Variants in USO1 observed in about 807,000 individuals in gnomAD.
USO1 encodes the protein general vesicular transport factor p115.
USO1 carries 57 observed loss-of-function variants against 124.5 expected under a neutral mutation model. The observed-to-expected ratio is 0.46, with a 90% confidence interval of 0.37 to 0.57. The LOEUF is 0.57. Ranked by LOEUF, USO1 falls within the 20% of genes least tolerant of loss-of-function variation. The pLI, the probability that USO1 is intolerant of heterozygous loss-of-function variation, is 0.00. For missense variants in USO1, 900 were observed against 1,040.6 expected (o/e 0.86, Z 1.86); for synonymous variants, 369 against 362.8 (o/e 1.02, Z -0.19).
At chr4:75,807,494 A>C (rs1723030327) in intron 20 of USO1, among the ~76,000 whole-genome samples, 1 of 152,128 alleles carries the variant, frequency 6.6e-6, no homozygotes, top group Admixed American at 6.6e-5. Context: ...GCTTTGAAAG[A>C]GAAATGACTG....
intron 9 of USO1, among the ~76,000 whole-genome samples, chr4:75,786,147 C>CT (rs1195810743): frequency 6.6e-6 from 1 of 151,988 alleles, no homozygotes; most frequent in African/African-American, 2.4e-5. Context: ...ACTTTTCAAA[C>CT]TTTTTTTTGT....
intron 4 of USO1, among the ~76,000 whole-genome samples, chr4:75,759,359 C>T (rs1411540524): frequency 1.6e-4 from 23 of 145,082 alleles, no homozygotes; most frequent in Non-Finnish European, 3.1e-4. Context: ...TTTGGGAGGC[C>T]GAGGCGGGTG....
At chr4:75,741,628 A>G (rs1720963783) in intron 1 of USO1, among the ~76,000 whole-genome samples, 1 of 109,340 alleles carries the variant, frequency 9.1e-6, no homozygotes, top group African/African-American at 3.7e-5. Flanking sequence ...TTTTTTTGAG[A>G]CAGTCTCGCT....
Position 75,809,025 on chromosome 4 carries a change from G to A in USO1, c.2449G>A (p.Glu817Lys), listed in dbSNP as rs41282393. 6.2e-7 allele frequency: 1 copy of A among 1,601,988 alleles called. No individual in the cohort carries two copies. Among genetic ancestry groups the A allele is most frequent in the Non-Finnish European group, 8.5e-7 (1 of 1,174,550 alleles). ...EITKLQTEKQ[E>K]LLQKTEAFAK... Reference sequence around the variant, plus strand: ...CACCAAACTACAGACAGAAAAGCAGGAACTGTTACAGAAAACAGAAGCGTT... The same window carrying A: ...CACCAAACTACAGACAGAAAAGCAGAAACTGTTACAGAAAACAGAAGCGTT... The change falls in exon 21 of 24, where the codon GAA (glutamate) becomes AAA (lysine). Residue 817 changes from glutamate (E) to lysine (K), a missense_variant. Glu to Lys is a moderately conservative substitution (Grantham distance 56). Around this residue, in one of 2 missense-constraint regions of USO1, gnomAD observed 362 missense variants for 359.0 expected, o/e 1.01. Coordinates refer to ENST00000514213, the MANE Select transcript of USO1 (RefSeq NM_003715.4).
chr4:75,725,224 C>G (rs997729581), intron 1 of USO1, among the ~76,000 whole-genome samples: 12 of 152,300 alleles, frequency 7.9e-5, no homozygotes, highest in Non-Finnish European at 1.6e-4. Context: ...CCACGCCCCT[C>G]GGGGCCGTGG....
At chr4:75,774,828 C>G in intron 8 of USO1, 32 bp downstream of exon 8, 1 of 1,602,140 alleles carries the variant, frequency 6.2e-7, no homozygotes, top group South Asian at 1.1e-5. Flanking sequence ...TGAAGACATT[C>G]CTTTTGTACT....
chr4:75,782,583 G>A (rs1410626493), intron 8 of USO1, 97 bp from the exon 9 acceptor site: 1 of 1,432,174 alleles, frequency 7.0e-7, no homozygotes, highest in Non-Finnish European at 9.2e-7. Flanking sequence ...ATATTGAAGA[G>A]ATGCTGAGCA....
Position 75,757,486 on chromosome 4 carries a change from C to CT in USO1, c.219-5dup. ...CAGCAGTGTATAAGTGTAATAATTTCTTTTTTCCAGTTCAGATTCTGAAAT... is the reference window on the plus strand; with the variant it reads ...CAGCAGTGTATAAGTGTAATAATTTCTTTTTTTCCAGTTCAGATTCTGAAAT... On this transcript the variant is annotated splice_polypyrimidine_tract_variant and intron_variant, in intron 3 of 23. Transcript: ENST00000514213. 1 of 1,488,958 alleles carries CT rather than the reference C, an allele frequency of 6.7e-7. No individual in the cohort carries two copies. The highest frequency in any genetic ancestry group is 9.0e-7 in the Non-Finnish European group (1 of 1,116,804). The allele number at this position is 1,488,958 out of a possible 1,614,324, so 92.2% of individuals were successfully genotyped here.
intron 3 of USO1, among the ~76,000 whole-genome samples, chr4:75,753,988 C>G (rs771196144): frequency 2.0e-5 from 3 of 151,220 alleles, no homozygotes; most frequent in Non-Finnish European, 2.9e-5. Flanking sequence ...GGGGTTTTAC[C>G]ATGTTAGCCA....
chr4:75,769,678 TTATAATA>T (rs760316153), intron 4 of USO1, among the ~76,000 whole-genome samples: 30 of 152,230 alleles, frequency 2.0e-4, no homozygotes, highest in Non-Finnish European at 4.4e-4. Flanking sequence ...TAATTTGAGT[TTATAATA>T]TAGGCAGATC....
chr4:75,743,426 G>C (rs1721024488), intron 1 of USO1, among the ~76,000 whole-genome samples: 1 of 152,066 alleles, frequency 6.6e-6, no homozygotes, highest in Admixed American at 6.5e-5. Flanking sequence ...CCAAAATTGT[G>C]TTTCTCTAAG....
At chr4:75,780,640 C>CTTTT (rs71210204) in intron 8 of USO1, among the ~76,000 whole-genome samples, 4,574 of 59,346 alleles carry the variant, frequency 0.077, 473 homozygotes, top group Middle Eastern at 0.12. Flanking sequence ...TAAATTTTGA[C>CTTTT]TTTTTTTTTT....
In USO1 at chr4:75,800,688, A is replaced by G. The variant is rs778446221; in HGVS notation, c.1753A>G (p.Ser585Gly). 3.8e-6 allele frequency: 6 copies of G among 1,598,698 alleles called. No homozygotes were observed. The African/African-American group carries it at 6.8e-5, about 18-fold the overall frequency. ...ENFIEKLGFI[S>G]KHELYSRASQ... ...TTTCATAGAGAAACTAGGATTTATT[A>G]GCAAACATGAGTTGTATTCCAGAGC... Residue 585 changes from serine to glycine, a missense_variant, in exon 16 of 24, where the codon AGC becomes GGC. Ser to Gly is a moderately conservative substitution (Grantham distance 56). Around this residue, in one of 2 missense-constraint regions of USO1, gnomAD observed 538 missense variants for 681.6 expected, o/e 0.79. Coordinates refer to ENST00000514213, the MANE Select transcript of USO1 (RefSeq NM_003715.4).
In USO1 at chr4:75,782,973, T is replaced by TA. The variant is rs374973020; in HGVS notation, c.855+122dup. ...ATATTTGATGGATTTCAGGTTGGCT[T>TA]AAAAAAACTGTAATATGGAAATTTG... On this transcript the variant is annotated intron_variant, in intron 9 of 23. Transcript: ENST00000514213. The TA allele has an allele frequency of 6.1e-5, 82 of 1,346,514 alleles. No homozygotes were observed. In the African/African-American group the frequency reaches 1.1e-3, roughly 18 times the overall value. 83.4% of individuals were successfully genotyped at this position (1,346,514 alleles called of 1,614,324 possible).
intron 1 of USO1, among the ~76,000 whole-genome samples, chr4:75,729,488 C>T (rs917336383): frequency 1.3e-5 from 2 of 152,064 alleles, no homozygotes; most frequent in African/African-American, 2.4e-5. Flanking sequence ...TACAGGTGCA[C>T]GCCACCACGC....
At chr4:75,736,219 CTG>C (rs906388123) in intron 1 of USO1, among the ~76,000 whole-genome samples, 5 of 147,656 alleles carry the variant, frequency 3.4e-5, no homozygotes, top group African/African-American at 1.3e-4. Context: ...AATCATGCCT[CTG>C]TGTAATATAC....
chr4:75,781,794 G>C (rs1175437892), intron 8 of USO1, among the ~76,000 whole-genome samples: 1 of 152,048 alleles, frequency 6.6e-6, no homozygotes, highest in East Asian at 1.9e-4. Flanking sequence ...TCAACATACA[G>C]CTCAACTATT....
rs1320996760 is a variant in USO1, at chr4:75,746,326, G to A, written c.67-6047G>A. Among the ~76,000 whole-genome samples the A allele has an allele frequency of 6.6e-5, 10 of 152,316 alleles. No homozygotes were observed. In the South Asian group the frequency reaches 2.1e-3, roughly 32 times the overall value. The stretch of plus-strand genomic sequence containing the variant: ...AGCTGCAAGGAAAGCCTGAAAATAG[G>A]ATATAGGTGGACAGTCATGTGCCCA... On this transcript the variant is annotated intron_variant, in intron 1 of 23. Coordinates refer to ENST00000514213, the MANE Select transcript of USO1 (RefSeq NM_003715.4).
At chr4:75,742,236 G>A (rs561276686) in intron 1 of USO1, among the ~76,000 whole-genome samples, 9 of 152,128 alleles carry the variant, frequency 5.9e-5, no homozygotes, top group African/African-American at 2.4e-5. Context: ...AATTGTCTGT[G>A]CCATACTTTC....
Sources: gnomAD v4.1 joint callset for allele counts (sites outside exome capture counted in the v4.1 genomes callset) on GRCh38, gnomAD v4.1.1 for gene constraint, gnomAD v4.1.1 regional missense constraint, MANE v1.5 for transcripts, NCBI Gene and HGNC (gene_info 2026-07-23, HGNC 2026-07-21) for gene names.